Variants in C16orf87 observed in about 807,000 individuals in gnomAD.
C16orf87 encodes UPF0547 protein C16orf87.
A neutral mutation model predicts 21.0 loss-of-function variants in C16orf87; 13 were observed. That is an observed-to-expected ratio of 0.62 (90% CI 0.40 to 0.98). The LOEUF (loss-of-function observed/expected upper bound fraction) is 0.98, where lower values mean the gene tolerates loss of function less well. C16orf87 is among the 50% of genes least tolerant of loss of function. C16orf87 has a pLI of 0.00. For synonymous variants in C16orf87, 49 were observed against 60.2 expected (o/e 0.81, Z 0.86); for missense variants, 113 against 180.4 (o/e 0.63, Z 2.14).
intron 3 of C16orf87, among the ~76,000 whole-genome samples, chr16:46,806,407 A>G (rs1484886589): frequency 6.6e-6 from 1 of 151,874 alleles, no homozygotes; most frequent in Non-Finnish European, 1.5e-5. Context: ...AGAGGCACGC[A>G]CCACCACGCC....
At chr16:46,804,586 T>C (rs547382533) in intron 3 of C16orf87, among the ~76,000 whole-genome samples, 2 of 152,338 alleles carry the variant, frequency 1.3e-5, no homozygotes, top group South Asian at 4.1e-4. Context: ...AGAAAACCAA[T>C]ACCTTTTTTA....
In C16orf87 at chr16:46,797,786, T is replaced by C. The variant is rs1967653859; in HGVS notation, c.*5166A>G. 1 of 152,196 alleles carries C rather than the reference T, an allele frequency of 6.6e-6. No individual in the cohort carries two copies. The highest frequency in any genetic ancestry group is 2.4e-5 in the African/African-American group (1 of 41,444). 9.4% of individuals were successfully genotyped at this position (152,196 alleles called of 1,614,324 possible). On this transcript the variant is annotated 3_prime_UTR_variant, in exon 4 of 4. Coordinates refer to ENST00000285697, the MANE Select transcript of C16orf87 (RefSeq NM_001001436.4). ...AACTGTAAAAAGTGAAGTATGTTTA[T>C]AGTAATCCCTAGAGCAAATACTGCA...
chr16:46,825,914 C>CAA (rs918103053), intron 1 of C16orf87, among the ~76,000 whole-genome samples: 6 of 75,402 alleles, frequency 8.0e-5, no homozygotes, highest in South Asian at 4.2e-4. Flanking sequence ...GACTCTGTCT[C>CAA]AAAAAAAAAA....
intron 2 of C16orf87, among the ~76,000 whole-genome samples, chr16:46,821,256 AACAG>A (rs1959403333): frequency 6.6e-6 from 1 of 152,240 alleles, no homozygotes; most frequent in South Asian, 2.1e-4. Flanking sequence ...ATAAACAAAC[AACAG>A]TTGCTCATGG....
At chr16:46,818,285 T>G (rs1171817390) in intron 2 of C16orf87, among the ~76,000 whole-genome samples, 2 of 152,224 alleles carry the variant, frequency 1.3e-5, no homozygotes, top group Admixed American at 1.3e-4. Context: ...TCACTTTGGA[T>G]TTATAAAAGG....
In C16orf87 at chr16:46,801,092, T is replaced by C. The variant is rs1042590034; in HGVS notation, c.*1860A>G. 2.0e-5 allele frequency: 3 copies of C among 152,366 alleles called. No homozygotes were observed. Among genetic ancestry groups the C allele is most frequent in the African/African-American group, 4.8e-5 (2 of 41,588 alleles). The allele number at this position is 152,366 out of a possible 1,614,324, so 9.4% of individuals were successfully genotyped here. ...CTTGCTTTTTCTGAGGACATATATA[T>C]GTATACAAGCATTTTTAGATATTAA... On this transcript the variant is annotated 3_prime_UTR_variant, in exon 4 of 4. Transcript: ENST00000285697.
Position 46,831,162 on chromosome 16 carries a change from T to G in C16orf87, c.-13A>C. The G allele has an allele frequency of 6.4e-7, 1 of 1,554,272 alleles. No individual in the cohort carries two copies. Among genetic ancestry groups the G allele is most frequent in the Non-Finnish European group, 8.7e-7 (1 of 1,145,952 alleles). On this transcript the variant is annotated 5_prime_UTR_variant, in exon 1 of 4. Transcript: ENST00000285697. ...GAGTTGCAGACATGCTCCTCTCCCTTAGCGGCGGCAGCAGCGACGGCTCGG... is the reference window on the plus strand; with the variant it reads ...GAGTTGCAGACATGCTCCTCTCCCTGAGCGGCGGCAGCAGCGACGGCTCGG...
chr16:46,825,069 T>C (rs1169028131), intron 1 of C16orf87, among the ~76,000 whole-genome samples: 1 of 152,050 alleles, frequency 6.6e-6, no homozygotes, highest in African/African-American at 2.4e-5. Flanking sequence ...GAGTGACCAA[T>C]AGAAAACTGT....
intron 3 of C16orf87, among the ~76,000 whole-genome samples, chr16:46,803,839 T>C (rs1967845741): frequency 6.6e-6 from 1 of 152,158 alleles, no homozygotes; most frequent in African/African-American, 2.4e-5. Flanking sequence ...AAAACAAATC[T>C]CTAAGTAACA....
At chr16:46,826,110 T>C (rs769588168) in intron 1 of C16orf87, among the ~76,000 whole-genome samples, 1 of 152,120 alleles carries the variant, frequency 6.6e-6, no homozygotes, top group Non-Finnish European at 1.5e-5. Context: ...CCGGACAAGA[T>C]ATTTAAGATC....
At chr16:46,821,807 G>A (rs144699288) in intron 2 of C16orf87, among the ~76,000 whole-genome samples, 106 of 152,008 alleles carry the variant, frequency 7.0e-4, no homozygotes, top group African/African-American at 2.5e-3. Flanking sequence ...GTCACTGATG[G>A]CTCAAAAGTT....
intron 2 of C16orf87, among the ~76,000 whole-genome samples, chr16:46,810,918 T>A (rs555477071): frequency 3.9e-5 from 6 of 152,192 alleles, no homozygotes; most frequent in Non-Finnish European, 5.9e-5. Context: ...ATATCAAGCA[T>A]ATGAGTACAT....
At position 46,798,234 on chromosome 16, in the gene C16orf87, A is replaced by G. The variant is rs897323917; in HGVS notation, c.*4718T>C. On this transcript the variant is annotated 3_prime_UTR_variant, in exon 4 of 4. Coordinates refer to ENST00000285697, the MANE Select transcript of C16orf87 (RefSeq NM_001001436.4). ...TCAATAAACCAGAGCAGGTTCTTAC[A>G]AAAGAGAAATGCAGCCGGGCACGGT... is the stretch of plus-strand genomic sequence containing the variant. The G allele has an allele frequency of 6.6e-6, 1 of 152,400 alleles. No individual in the cohort carries two copies. Among genetic ancestry groups the G allele is most frequent in the African/African-American group, 2.4e-5 (1 of 41,594 alleles). 9.4% of individuals were successfully genotyped at this position (152,400 alleles called of 1,614,324 possible).
chr16:46,809,923 A>G, intron 2 of C16orf87, 138 bp from the exon 3 acceptor site: 1 of 548,608 alleles, frequency 1.8e-6, no homozygotes, highest in South Asian at 2.9e-5. Context: ...CAACCATAAC[A>G]TATATGTCTC....
In C16orf87 at chr16:46,813,458, C is replaced by T. The variant is rs1230591376; in HGVS notation, c.164-3673G>A. ...ACATCCCAGTCAAACCTATTCTCTACGTACCAGCCAATATTATCTTAAAAA... is the reference window on the plus strand; with the variant it reads ...ACATCCCAGTCAAACCTATTCTCTATGTACCAGCCAATATTATCTTAAAAA... On this transcript the variant is annotated intron_variant, in intron 2 of 3. Transcript: ENST00000285697. 3.4e-5 allele frequency among the ~76,000 whole-genome samples: 5 copies of T among 146,892 alleles called. No homozygotes were observed. In the South Asian group the frequency reaches 6.4e-4, roughly 19 times the overall value.
chr16:46,803,788 T>C (rs1967844666), intron 3 of C16orf87, among the ~76,000 whole-genome samples: 1 of 152,102 alleles, frequency 6.6e-6, no homozygotes, highest in South Asian at 2.1e-4. Flanking sequence ...AACTACTTTT[T>C]TTGTGACTTT....
intron 1 of C16orf87, among the ~76,000 whole-genome samples, chr16:46,824,932 A>C (rs2143161503): frequency 6.6e-6 from 1 of 152,226 alleles, no homozygotes; most frequent in Admixed American, 6.6e-5. Context: ...TCAAAGTGCT[A>C]GGATAACAGA....
intron 2 of C16orf87, among the ~76,000 whole-genome samples, chr16:46,820,676 G>A (rs1047381303): frequency 1.1e-4 from 17 of 152,114 alleles, no homozygotes; most frequent in Middle Eastern, 3.2e-3. Flanking sequence ...ATGCTTCATT[G>A]TGTATATAAA....
intron 1 of C16orf87, chr16:46,830,770 G>A (rs1959825329): frequency 7.8e-6 from 2 of 257,028 alleles, no homozygotes; most frequent in African/African-American, 2.2e-5. Context: ...CACCGCCGCC[G>A]GCGAGGAGAG....
Sources: allele counts gnomAD v4.1 joint callset (sites outside exome capture counted in the v4.1 genomes callset), GRCh38; gene constraint gnomAD v4.1.1; transcripts MANE v1.5; gene names NCBI Gene and HGNC (gene_info 2026-07-23, HGNC 2026-07-21).